Variants in HCN1 observed in about 807,000 individuals in gnomAD.
HCN1 encodes hyperpolarization activated cyclic nucleotide gated potassium channel 1, also known as potassium/sodium hyperpolarization-activated cyclic nucleotide-gated channel 1.
HCN1 carries 13 observed loss-of-function variants against 78.9 expected under a neutral mutation model. That is an observed-to-expected ratio of 0.16 (90% CI 0.11 to 0.26). The LOEUF is 0.26. HCN1 is among the 10% of genes least tolerant of loss of function. The probability of loss-of-function intolerance (pLI) is 1.00; values close to 1 mark genes in which losing one functional copy is unlikely to be tolerated. For missense variants in HCN1, 810 were observed against 1,154.3 expected (o/e 0.70, Z 4.32); for synonymous variants, 552 against 455.5 (o/e 1.21, Z -2.70).
chr5:45,260,954 A>T lies in HCN1; in HGVS notation c.*967T>A, dbSNP rs1289161594. On this transcript the variant is annotated 3_prime_UTR_variant, in exon 8 of 8. Transcript: ENST00000303230. ...ATGCTTGATTATGGCAAGAAGAAAG[A>T]AAAGTAACGATTTTTGGTGTAATAC... 1 of 152,620 alleles carries T rather than the reference A, an allele frequency of 6.6e-6. No individual in the cohort carries two copies. The highest frequency in any genetic ancestry group is 6.5e-5 in the Admixed American group (1 of 15,280). The allele number at this position is 152,620 out of a possible 1,614,324, so 9.5% of individuals were successfully genotyped here.
chr5:45,352,197 T>A (rs1012822281), intron 5 of HCN1, among the ~76,000 whole-genome samples: 19 of 152,038 alleles, frequency 1.2e-4, no homozygotes, highest in African/African-American at 4.3e-4. Flanking sequence ...TATGCAGCCA[T>A]AAAAATGATG....
rs189987012 is a variant in HCN1, at chr5:45,543,495, C to T, written c.850-81488G>A. Among the ~76,000 whole-genome samples, 254 of 151,938 alleles carry T rather than the reference C, an allele frequency of 1.7e-3. 1 individual carries two copies. Among genetic ancestry groups the T allele is most frequent in the African/African-American group, 6.0e-3 (249 of 41,490 alleles). Reference sequence around the variant, plus strand: ...ACACCATTGAAAATATAATCTTATACCTTGAAACCCATAAACATTTAAAAA... The same window carrying T: ...ACACCATTGAAAATATAATCTTATATCTTGAAACCCATAAACATTTAAAAA... On this transcript the variant is annotated intron_variant, in intron 2 of 7. Coordinates refer to ENST00000303230, the MANE Select transcript of HCN1 (RefSeq NM_021072.4).
intron 2 of HCN1, among the ~76,000 whole-genome samples, chr5:45,585,190 C>T (rs955069620): frequency 6.6e-6 from 1 of 152,204 alleles, no homozygotes; most frequent in African/African-American, 2.4e-5. Context: ...TTGGCCTTTT[C>T]ACATAGTCCC....
At chr5:45,643,478 T>G (rs959089160) in intron 2 of HCN1, 9 of 152,134 alleles carry the variant, frequency 5.9e-5, no homozygotes, top group African/African-American at 2.2e-4. Context: ...TTAAGAAAAG[T>G]TCCCTATAAT....
intron 2 of HCN1, among the ~76,000 whole-genome samples, chr5:45,480,972 A>T (rs1741638649): frequency 6.6e-6 from 1 of 152,242 alleles, no homozygotes; most frequent in Non-Finnish European, 1.5e-5. Flanking sequence ...CTAACCTAGT[A>T]GTTCCATTAT....
intron 1 of HCN1, among the ~76,000 whole-genome samples, chr5:45,686,541 AC>A (rs1355556171): frequency 1.3e-5 from 2 of 152,198 alleles, no homozygotes; most frequent in African/African-American, 4.8e-5. Flanking sequence ...CAACTTGTTT[AC>A]ATTATTATGA....
At chr5:45,283,937 G>T (rs1745218014) in intron 6 of HCN1, among the ~76,000 whole-genome samples, 1 of 152,070 alleles carries the variant, frequency 6.6e-6, no homozygotes, top group Non-Finnish European at 1.5e-5. Context: ...GCAGTATATA[G>T]ACATCATAGA....
chr5:45,429,813 G>A (rs993254784), intron 3 of HCN1, among the ~76,000 whole-genome samples: 1 of 152,130 alleles, frequency 6.6e-6, no homozygotes, highest in Non-Finnish European at 1.5e-5. Flanking sequence ...AGAAGTAGTA[G>A]TGGACACACT....
chr5:45,690,822 C>G (rs1238229309), intron 1 of HCN1, among the ~76,000 whole-genome samples: 2 of 152,040 alleles, frequency 1.3e-5, no homozygotes, highest in African/African-American at 2.4e-5. Flanking sequence ...CAGTACTCTT[C>G]ATGTAGTGCT....
chr5:45,337,469 C>A (rs894057955), intron 5 of HCN1, among the ~76,000 whole-genome samples: 11 of 152,122 alleles, frequency 7.2e-5, no homozygotes, highest in African/African-American at 2.7e-4. Context: ...CACTACTGTT[C>A]TCTTGGCAAA....
At chr5:45,677,753 C>G (rs982827772) in intron 1 of HCN1, among the ~76,000 whole-genome samples, 1 of 151,772 alleles carries the variant, frequency 6.6e-6, no homozygotes, top group Non-Finnish European at 1.5e-5. Context: ...CTGGGAAGGT[C>G]AAACGTCAAC....
intron 5 of HCN1, among the ~76,000 whole-genome samples, chr5:45,317,559 C>A (rs1375729512): frequency 6.6e-6 from 1 of 152,106 alleles, no homozygotes; most frequent in Non-Finnish European, 1.5e-5. Flanking sequence ...CCACAATTGA[C>A]AAATGGGATC....
chr5:45,535,569 G>A (rs1054352698), intron 2 of HCN1, among the ~76,000 whole-genome samples: 2 of 152,000 alleles, frequency 1.3e-5, no homozygotes, highest in South Asian at 2.1e-4. Context: ...CTGCCCTCCA[G>A]CCTAGGGAAC....
intron 6 of HCN1, among the ~76,000 whole-genome samples, chr5:45,279,128 G>A (rs1398469630): frequency 6.6e-6 from 1 of 152,078 alleles, no homozygotes; most frequent in East Asian, 1.9e-4. Context: ...AGATGTATAA[G>A]CCACTATTTA....
intron 2 of HCN1, among the ~76,000 whole-genome samples, chr5:45,540,324 T>C (rs930740992): frequency 1.5e-4 from 20 of 130,728 alleles, no homozygotes; most frequent in African/African-American, 5.8e-4. Flanking sequence ...ACTATTTTAC[T>C]GATTTTTTTT....
At chr5:45,609,929 T>C (rs1043258901) in intron 2 of HCN1, among the ~76,000 whole-genome samples, 2 of 152,098 alleles carry the variant, frequency 1.3e-5, no homozygotes, top group Admixed American at 1.3e-4. Context: ...GTGAAGCTGA[T>C]ATAAAAGACC....
intron 6 of HCN1, among the ~76,000 whole-genome samples, chr5:45,281,586 T>A (rs1356787677): frequency 7.7e-6 from 1 of 129,968 alleles, no homozygotes; most frequent in Non-Finnish European, 1.7e-5. Context: ...CTTCTTTTTT[T>A]TTTTTTTTTT....
intron 5 of HCN1, among the ~76,000 whole-genome samples, chr5:45,350,484 T>C (rs1292303820): frequency 6.6e-6 from 1 of 151,916 alleles, no homozygotes. Flanking sequence ...ATGCCCTCTC[T>C]CACCACTCCT....
At chr5:45,262,861 A>C in intron 7 of HCN1, 51 bp from the exon 8 acceptor site, 1 of 1,601,072 alleles carries the variant, frequency 6.2e-7, no homozygotes, top group Non-Finnish European at 8.5e-7. Flanking sequence ...ATGACTGATG[A>C]CAACGCCAAG....
Sources: allele counts gnomAD v4.1 joint callset (sites outside exome capture counted in the v4.1 genomes callset), GRCh38; gene constraint gnomAD v4.1.1; transcripts MANE v1.5; gene names NCBI Gene and HGNC (gene_info 2026-07-23, HGNC 2026-07-21).